SLCO3A1: variants seen among roughly 807,000 people sequenced by gnomAD.
SLCO3A1 encodes the protein solute carrier organic anion transporter family member 3A1.
Under a neutral mutation model 63.1 loss-of-function variants are expected in SLCO3A1, and 27 were observed. That is an observed-to-expected ratio of 0.43 (90% CI 0.32 to 0.59). The LOEUF is 0.59. Ranked by LOEUF, SLCO3A1 falls within the 20% of genes least tolerant of loss-of-function variation. SLCO3A1 has a pLI of 0.09. For missense variants in SLCO3A1, 773 were observed against 945.8 expected, an observed-to-expected ratio of 0.82 and a Z score of 2.40; for synonymous variants, 473 against 409.9, an observed-to-expected ratio of 1.15 and a Z score of -1.86.
intron 1 of SLCO3A1, among the ~76,000 whole-genome samples, chr15:91,873,173 T>G (rs1278572364): frequency 1.3e-5 from 2 of 152,250 alleles, no homozygotes; most frequent in East Asian, 3.8e-4. Context: ...TTTACCTTAT[T>G]CAAAAAGTAT....
intron 2 of SLCO3A1, among the ~76,000 whole-genome samples, chr15:91,946,891 G>T (rs1899824956): frequency 1.3e-5 from 2 of 152,206 alleles, no homozygotes; most frequent in Non-Finnish European, 2.9e-5. Context: ...ACCTGCCATT[G>T]TGGAATGGCA....
chr15:91,977,552 T>G (rs1420870067), intron 2 of SLCO3A1, among the ~76,000 whole-genome samples: 1 of 152,140 alleles, frequency 6.6e-6, no homozygotes, highest in African/African-American at 2.4e-5. Flanking sequence ...AAGTAGGAGC[T>G]AAGCTATGAG....
At chr15:91,909,302 A>G (rs1898410031) in intron 1 of SLCO3A1, among the ~76,000 whole-genome samples, 2 of 152,184 alleles carry the variant, frequency 1.3e-5, no homozygotes, top group South Asian at 4.1e-4. Context: ...TTTTGTAAAT[A>G]AAGTTTTATT....
rs1420737581 is a variant in SLCO3A1 at position 92,163,060 on chromosome 15, C to G, written c.2058C>G (p.Asn686Lys). The G allele has an allele frequency of 3.2e-6, 5 of 1,572,136 alleles. No homozygotes were observed. The highest frequency in any genetic ancestry group is 4.5e-5 in the East Asian group (2 of 44,584). ...DNLGRDPVPA[N>K]QTHRTKFIYN... ...TGGGGAGGGACCCTGTGCCCGCAAA[C>G]CAGACACATAGGACAAAGTTTATCT... Residue 686 changes from asparagine to lysine, a missense_variant, in exon 10 of 10, where the codon AAC (asparagine) becomes AAG (lysine). By Grantham distance (94) the Asn-to-Lys change is moderately conservative. Around this residue, in one of 3 missense-constraint regions of SLCO3A1, gnomAD observed 139 missense variants for 131.4 expected, o/e 1.06. Coordinates refer to ENST00000318445, the MANE Select transcript of SLCO3A1 (RefSeq NM_013272.4).
chr15:92,006,827 G>A (rs544839079), intron 2 of SLCO3A1, among the ~76,000 whole-genome samples: 1 of 152,202 alleles, frequency 6.6e-6, no homozygotes, highest in African/African-American at 2.4e-5. Flanking sequence ...TACCACTCCA[G>A]TCCAGAAAGG....
In SLCO3A1 at chr15:92,164,668, G is replaced by A. The variant is rs376179575; in HGVS notation, c.*1533G>A. 8.3e-5 allele frequency: 82 copies of A among 985,394 alleles called. No individual in the cohort carries two copies. The South Asian group carries it at 3.1e-3, about 38-fold the overall frequency. 61.0% of individuals were successfully genotyped at this position (985,394 alleles called of 1,614,324 possible). ...CTGGAAGCTGTCGTGTGTCCAATGC[G>A]TGAAAATGTCTGTGACATTTTCAGT... On this transcript the variant is annotated 3_prime_UTR_variant, in exon 10 of 10. Coordinates refer to ENST00000318445, the MANE Select transcript of SLCO3A1 (RefSeq NM_013272.4).
chr15:92,106,162 G>C (rs2047665259), intron 4 of SLCO3A1, among the ~76,000 whole-genome samples: 1 of 152,194 alleles, frequency 6.6e-6, no homozygotes, highest in African/African-American at 2.4e-5. Flanking sequence ...TGCGATTTCT[G>C]AAAAGAGACA....
chr15:92,142,585 T>G (rs2048148248), intron 7 of SLCO3A1, among the ~76,000 whole-genome samples: 1 of 152,218 alleles, frequency 6.6e-6, no homozygotes, highest in Non-Finnish European at 1.5e-5. Context: ...TATGGATTCT[T>G]GGGTCAAGGG....
chr15:92,167,283 A>C (rs2048498798), downstream of SLCO3A1, among the ~76,000 whole-genome samples: 1 of 152,186 alleles, frequency 6.6e-6, no homozygotes, highest in Non-Finnish European at 1.5e-5. Flanking sequence ...CACTGGGCTC[A>C]CGCCATTCTC....
chr15:91,922,928 G>C (rs1898897305), intron 2 of SLCO3A1, among the ~76,000 whole-genome samples: 1 of 152,134 alleles, frequency 6.6e-6, no homozygotes, highest in African/African-American at 2.4e-5. Context: ...CATATTGCCT[G>C]GGCTGATAGG....
chr15:92,156,949 A>G (rs1400583852), intron 9 of SLCO3A1, among the ~76,000 whole-genome samples: 1 of 151,400 alleles, frequency 6.6e-6, no homozygotes, highest in Non-Finnish European at 1.5e-5. Flanking sequence ...CAACTAAGAG[A>G]GTAAATTAAA....
intron 2 of SLCO3A1, among the ~76,000 whole-genome samples, chr15:91,993,145 A>T (rs749990877): frequency 6.6e-6 from 1 of 152,222 alleles, no homozygotes; most frequent in Non-Finnish European, 1.5e-5. Context: ...GGAAGCAGAA[A>T]TTCTGCCTTT....
intron 1 of SLCO3A1, among the ~76,000 whole-genome samples, chr15:91,861,078 A>G (rs933519270): frequency 6.6e-6 from 1 of 152,208 alleles, no homozygotes; most frequent in East Asian, 1.9e-4. Context: ...TTCTCAGTGA[A>G]TCAGGTGGCA....
chr15:91,867,233 T>C (rs1446943573), intron 1 of SLCO3A1, among the ~76,000 whole-genome samples: 1 of 152,186 alleles, frequency 6.6e-6, no homozygotes, highest in Non-Finnish European at 1.5e-5. Context: ...TCTGCTAGCC[T>C]GTGGAGGGAC....
In SLCO3A1 at chr15:92,033,649, A is replaced by G. The variant is rs765322260; in HGVS notation, c.647-61232A>G. Among the ~76,000 whole-genome samples, 1 of 152,228 alleles carries G rather than the reference A, an allele frequency of 6.6e-6. No individual in the cohort carries two copies. The highest frequency in any genetic ancestry group is 1.5e-5 in the Non-Finnish European group (1 of 68,040). On this transcript the variant is annotated intron_variant, in intron 2 of 9. Coordinates refer to ENST00000318445, the MANE Select transcript of SLCO3A1 (RefSeq NM_013272.4). This position sits in a 1 kb window ranked among gnomAD's most constrained non-coding sequence, Gnocchi z 4.5. ...TAGAGAAAAATCCCTTCCCACTCAG[A>G]TCACATATTCCAGTGAGGGAGAGAG...
chr15:92,047,971 G>T (rs1370680836), intron 2 of SLCO3A1, among the ~76,000 whole-genome samples: 1 of 151,902 alleles, frequency 6.6e-6, no homozygotes, highest in South Asian at 2.1e-4. Flanking sequence ...TGGGTGCCCA[G>T]GACAGTGATG....
chr15:91,963,249 T>C (rs560554147), intron 2 of SLCO3A1, among the ~76,000 whole-genome samples: 2 of 152,336 alleles, frequency 1.3e-5, no homozygotes, highest in East Asian at 1.9e-4. Context: ...TTCCAGCCTT[T>C]GTATATGGGC....
At chr15:91,923,304 G>A (rs1037058310) in intron 2 of SLCO3A1, among the ~76,000 whole-genome samples, 6 of 152,172 alleles carry the variant, frequency 3.9e-5, no homozygotes, top group African/African-American at 1.4e-4. Context: ...CTGTTTAAAC[G>A]CAGGAGCAGA....
chr15:92,087,234 T>C (rs11635462), intron 2 of SLCO3A1, among the ~76,000 whole-genome samples: 79,744 of 151,006 alleles, frequency 0.53, 23,150 homozygotes, highest in Non-Finnish European at 0.66. Flanking sequence ...TCCCCAACTG[T>C]TTTGCAGTGC....
Sources: gnomAD v4.1 joint callset for allele counts (sites outside exome capture counted in the v4.1 genomes callset) on GRCh38, gnomAD v4.1.1 for gene constraint, gnomAD v4.1.1 regional missense constraint, Gnocchi (gnomAD v3.1) non-coding constraint, MANE v1.5 for transcripts, NCBI Gene and HGNC (gene_info 2026-07-23, HGNC 2026-07-21) for gene names.